Variants in OTOF observed in about 807,000 individuals in gnomAD.
The protein encoded by OTOF is otoferlin.
OTOF carries 218 observed loss-of-function variants against 236.8 expected under a neutral mutation model. The ratio of observed to expected loss-of-function variants is 0.92; its 90% CI spans 0.82 to 1.03. The LOEUF is 1.03. OTOF is among the 50% of genes least tolerant of loss of function. OTOF has a pLI of 0.00. For synonymous variants in OTOF, 1,041 were observed against 1,072.5 expected, an observed-to-expected ratio of 0.97 and a Z score of 0.57; for missense variants, 2,590 against 2,694.4, an observed-to-expected ratio of 0.96 and a Z score of 0.86.
intron 5 of OTOF, among the ~76,000 whole-genome samples, chr2:26,513,511 C>T (rs1396072129): frequency 6.6e-6 from 1 of 152,186 alleles, no homozygotes; most frequent in Non-Finnish European, 1.5e-5. Context: ...CCCGCAGCCC[C>T]CAGCAGGCCT....
intron 14 of OTOF, 57 bp downstream of exon 14, chr2:26,482,349 C>A (rs1665561057): frequency 1.3e-6 from 2 of 1,512,006 alleles, no homozygotes; most frequent in Non-Finnish European, 1.8e-6. Flanking sequence ...CTCACATATT[C>A]CTTCCCTTCA....
In OTOF at chr2:26,477,828, C is replaced by T. The variant is rs1255572325; in HGVS notation, c.2215-79G>A. On this transcript the variant is annotated intron_variant, in intron 18 of 46. Transcript: ENST00000272371. The surrounding 1 kb of genome is among the most constrained non-coding windows in gnomAD (Gnocchi z 4.7). ...CCCCAAATGCCTCCTCCCTGTTGAT[C>T]AGGGGAGTGAGGGACCTCATGATCT... is the stretch of plus-strand genomic sequence containing the variant. The T allele has an allele frequency of 1.3e-6, 2 of 1,583,474 alleles. No individual in the cohort carries two copies. The highest frequency in any genetic ancestry group is 1.3e-5 in the African/African-American group (1 of 74,140).
chr2:26,552,480 A>C (rs577659913), intron 1 of OTOF, among the ~76,000 whole-genome samples: 3 of 152,212 alleles, frequency 2.0e-5, no homozygotes, highest in Admixed American at 6.5e-5. Context: ...AATTCAGAGA[A>C]ATGATTTGCA....
chr2:26,553,947 C>T (rs1007236551), intron 1 of OTOF, among the ~76,000 whole-genome samples: 1 of 151,958 alleles, frequency 6.6e-6, no homozygotes, highest in Non-Finnish European at 1.5e-5. Context: ...CCGAGGCAGG[C>T]GGATCATGAG....
At chr2:26,498,787 C>A (rs1558500568) in intron 8 of OTOF, among the ~76,000 whole-genome samples, 1 of 152,340 alleles carries the variant, frequency 6.6e-6, no homozygotes, top group African/African-American at 2.4e-5. Context: ...GGAACATCTG[C>A]TGGGAGCCAG....
At chr2:26,551,151 G>A (rs1049718109) in intron 1 of OTOF, among the ~76,000 whole-genome samples, 4 of 152,078 alleles carry the variant, frequency 2.6e-5, no homozygotes, top group Admixed American at 6.5e-5. Context: ...CACCACGCCC[G>A]GCTAATTTTT....
At position 26,466,683 on chromosome 2, in the gene OTOF, T is replaced by A. The variant is rs373429716; in HGVS notation, c.4500+31A>T. ...CTCCCAGATGGGAGGATGAGGAGAC[T>A]TGCAAGGAGGGAAAGCGACGGGAGT... On this transcript the variant is annotated intron_variant, in intron 36 of 46. Coordinates refer to ENST00000272371, the MANE Select transcript of OTOF (RefSeq NM_194248.3). The A allele has an allele frequency of 1.1e-5, 18 of 1,613,586 alleles. No individual in the cohort carries two copies. The African/African-American group carries it at 1.9e-4, about 17-fold the overall frequency.
chr2:26,475,532 A>AGT (rs1665213846), intron 24 of OTOF, 39 bp from the exon 25 acceptor site: 1 of 1,596,214 alleles, frequency 6.3e-7, no homozygotes, highest in African/African-American at 1.3e-5. Context: ...CAAGTGACAG[A>AGT]GGGGGGGGCA....
Position 26,495,077 on chromosome 2 carries a change from C to T in OTOF, c.766-4G>A. ...CCTCGATCACCGTGATGCTGACCTGCAGGCAGGAGAAGGGGGAGCCAGAAG... is the reference window on the plus strand; with the variant it reads ...CCTCGATCACCGTGATGCTGACCTGTAGGCAGGAGAAGGGGGAGCCAGAAG... On this transcript the variant is annotated splice_region_variant and splice_polypyrimidine_tract_variant and intron_variant, in intron 8 of 46. Coordinates refer to ENST00000272371, the MANE Select transcript of OTOF (RefSeq NM_194248.3). 1.9e-6 allele frequency: 3 copies of T among 1,614,060 alleles called. No homozygotes were observed. The highest frequency in any genetic ancestry group is 1.7e-5 in the Admixed American group (1 of 60,022).
intron 29 of OTOF, among the ~76,000 whole-genome samples, 185 bp from the exon 30 acceptor site, chr2:26,472,834 A>T (rs1237475922): frequency 6.6e-6 from 1 of 152,152 alleles, no homozygotes; most frequent in Non-Finnish European, 1.5e-5. Context: ...GATAAGGGGA[A>T]GCTGCGGAGG....
Position 26,558,528 on chromosome 2 carries a change from C to T in OTOF, c.44G>A (p.Gly15Asp), listed in dbSNP as rs370677816. The change falls in exon 1 of 47, where the codon GGC (glycine) becomes GAC (aspartate). Residue 15 changes from glycine to aspartate, a missense_variant. Transcript: ENST00000272371. ...IHLKTVSELR[G>D]RGDRIAKVTF... ...CACTTTGGCGATCCGGTCGCCCCTG[C>T]CCCGCAGCTCCGAGACTGTCTTGAG... 5.6e-5 allele frequency: 91 copies of T among 1,613,928 alleles called. No individual in the cohort carries two copies. Among genetic ancestry groups the T allele is most frequent in the Non-Finnish European group, 7.1e-5 (84 of 1,179,972 alleles).
chr2:26,558,395 C>T (rs1286813909), intron 1 of OTOF, 98 bp downstream of exon 1: 8 of 1,082,014 alleles, frequency 7.4e-6, no homozygotes, highest in South Asian at 2.5e-5. Context: ...ACTTTTCCCA[C>T]CCATCCTCCC....
At chr2:26,547,992 A>G (rs535807405) in intron 1 of OTOF, among the ~76,000 whole-genome samples, 76 of 152,146 alleles carry the variant, frequency 5.0e-4, no homozygotes, top group African/African-American at 1.8e-3. Flanking sequence ...TGGATTTTCC[A>G]TTTCTTTTTC....
At chr2:26,467,638 C>T in intron 33 of OTOF, 137 bp from the exon 34 acceptor site, 1 of 1,138,314 alleles carries the variant, frequency 8.8e-7, no homozygotes. Flanking sequence ...GCAGATAATA[C>T]TCCCTAGCAT....
At chr2:26,513,133 G>A (rs1407129137) in intron 5 of OTOF, among the ~76,000 whole-genome samples, 10 of 152,152 alleles carry the variant, frequency 6.6e-5, no homozygotes, top group East Asian at 1.9e-4. Context: ...GTCAGTGGGC[G>A]GTGGGGTTGG....
chr2:26,467,049 G>A lies in OTOF; in HGVS notation c.4362+50C>T, dbSNP rs758212923. 26 of 1,607,732 alleles carry A rather than the reference G, an allele frequency of 1.6e-5. No individual in the cohort carries two copies. The East Asian group carries it at 5.4e-4, about 33-fold the overall frequency. On this transcript the variant is annotated intron_variant, in intron 35 of 46. Transcript: ENST00000272371. ...GAGGTGAGTGGGGGAACCTGTGGGG[G>A]GGGCAAGGGCTGGCGGGTGCTCAGG...
rs565829175 is a variant in OTOF at position 26,457,810 on chromosome 2, C to G, written c.*428G>C. ...AGAGACCCATTCCAGGTCCCCACCCCATCCAAGGCTCCCCAGCCCACAGGC... is the reference window on the plus strand; with the variant it reads ...AGAGACCCATTCCAGGTCCCCACCCGATCCAAGGCTCCCCAGCCCACAGGC... On this transcript the variant is annotated 3_prime_UTR_variant, in exon 47 of 47. Transcript: ENST00000272371. The surrounding 1 kb of genome is among the most constrained non-coding windows in gnomAD (Gnocchi z 4.4). The G allele has an allele frequency of 3.6e-6, 2 of 551,210 alleles. No individual in the cohort carries two copies. Among genetic ancestry groups the G allele is most frequent in the Non-Finnish European group, 6.4e-6 (2 of 310,202 alleles). 34.1% of individuals were successfully genotyped at this position (551,210 alleles called of 1,614,324 possible). A position where few individuals can be genotyped will look rare whatever the true frequency, so the allele number is the denominator to read the frequency against.
intron 2 of OTOF, among the ~76,000 whole-genome samples, 194 bp downstream of exon 2, chr2:26,537,522 G>A (rs949493432): frequency 2.0e-5 from 3 of 152,208 alleles, no homozygotes; most frequent in African/African-American, 7.2e-5. Flanking sequence ...AGAGGTTTCT[G>A]GGGGGAACAT....
At chr2:26,519,409 A>C (rs1486512157) in intron 3 of OTOF, among the ~76,000 whole-genome samples, 1 of 152,230 alleles carries the variant, frequency 6.6e-6, no homozygotes, top group Non-Finnish European at 1.5e-5. Flanking sequence ...GCTTTAGCTG[A>C]GCCCTTGCAG....
Sources: allele counts gnomAD v4.1 joint callset (sites outside exome capture counted in the v4.1 genomes callset), GRCh38; gene constraint gnomAD v4.1.1; non-coding constraint Gnocchi (gnomAD v3.1); transcripts MANE v1.5; gene names NCBI Gene and HGNC (gene_info 2026-07-23, HGNC 2026-07-21).